CAPZB: variants seen among roughly 807,000 people sequenced by gnomAD.
The protein encoded by CAPZB is F-actin-capping protein subunit beta.
In CAPZB, 2 loss-of-function variants were observed where a neutral mutation model predicts 38.1. The ratio of observed to expected loss-of-function variants is 0.05; its 90% CI spans 0.02 to 0.17. The LOEUF (loss-of-function observed/expected upper bound fraction) is 0.17. CAPZB is among the 10% of genes least tolerant of loss of function. CAPZB has a pLI of 1.00. For missense variants in CAPZB, 161 were observed against 334.2 expected (o/e 0.48, Z 4.04); for synonymous variants, 107 against 127.4 (o/e 0.84, Z 1.08).
chr1:19,484,806 A>G (rs1245126550), intron 1 of CAPZB: 2 of 607,460 alleles, frequency 3.3e-6, no homozygotes, highest in Admixed American at 1.1e-4. Context: ...GGGGGCAGTG[A>G]GGTCCAGACG....
chr1:19,425,415 T>C (rs1164166071), intron 1 of CAPZB, among the ~76,000 whole-genome samples: 2 of 152,084 alleles, frequency 1.3e-5, no homozygotes, highest in East Asian at 3.9e-4. Flanking sequence ...CTGCTCCTCA[T>C]GGAGCTTATG....
intron 2 of CAPZB, 118 bp downstream of exon 2, chr1:19,419,543 G>C (rs1215228374): frequency 1.7e-5 from 11 of 651,858 alleles, no homozygotes; most frequent in East Asian, 8.2e-5. Flanking sequence ...CCAGTGGCAT[G>C]GTCTGCCAGG....
chr1:19,385,543 G>A lies in CAPZB; in HGVS notation c.177C>T (p.Tyr59=). The change falls in exon 3 of 9, where the codon TAC becomes TAT. Residue 59 remains tyrosine, a synonymous_variant. Transcript: ENST00000264202. ...IARDKVVGKD[Y]LLCDYNRDGD... is the part of the protein sequence containing the mutation. ...CATCTCTGTTGTAGTCACACAAAAGGTAATCCTTTCCCACCACCTTGTCTC... is the reference window on the plus strand; with the variant it reads ...CATCTCTGTTGTAGTCACACAAAAGATAATCCTTTCCCACCACCTTGTCTC... 2 of 1,613,820 alleles carry A rather than the reference G, an allele frequency of 1.2e-6. No homozygotes were observed. Among genetic ancestry groups the A allele is most frequent in the Non-Finnish European group, 1.7e-6 (2 of 1,180,026 alleles).
chr1:19,373,186 G>A lies in CAPZB; in HGVS notation c.329+5354C>T, dbSNP rs528546662. On this transcript the variant is annotated intron_variant, in intron 4 of 8. Transcript: ENST00000264202. The stretch of plus-strand genomic sequence containing the variant: ...CAGGGACCCAGCAGAGGCAGGGCAA[G>A]CCAGGAGCTAGTGGACTTCAGAGGG... Among the ~76,000 whole-genome samples, 256 of 152,252 alleles carry A rather than the reference G, an allele frequency of 1.7e-3. 1 individual carries two copies. The highest frequency in any genetic ancestry group is 5.1e-3 in the African/African-American group (211 of 41,552).
chr1:19,426,669 C>T (rs2094423916), intron 1 of CAPZB, among the ~76,000 whole-genome samples: 1 of 152,180 alleles, frequency 6.6e-6, no homozygotes, highest in South Asian at 2.1e-4. Context: ...GCCCACTGAG[C>T]CCCCAGGTGC....
chr1:19,441,727 G>C (rs1056877666), intron 1 of CAPZB, among the ~76,000 whole-genome samples: 1 of 151,834 alleles, frequency 6.6e-6, no homozygotes, highest in African/African-American at 2.4e-5. Flanking sequence ...CTCAGGAGAG[G>C]CCGGGCACAG....
intron 1 of CAPZB, among the ~76,000 whole-genome samples, chr1:19,481,193 T>C (rs1440978162): frequency 6.6e-6 from 1 of 152,220 alleles, no homozygotes; most frequent in Non-Finnish European, 1.5e-5. Flanking sequence ...ATGTGGCTGG[T>C]GCTCCATAAC....
At chr1:19,435,099 C>A (rs4911994) in intron 1 of CAPZB, among the ~76,000 whole-genome samples, 59,067 of 116,178 alleles carry the variant, frequency 0.51, 12,459 homozygotes, top group African/African-American at 0.55. Context: ...GTGGGTAGCC[C>A]CGGAACATGG....
intron 4 of CAPZB, among the ~76,000 whole-genome samples, chr1:19,366,332 G>C (rs1032768742): frequency 2.3e-5 from 3 of 132,978 alleles, no homozygotes. Flanking sequence ...TGGTCATGAG[G>C]GACACTTTTT....
Position 19,357,274 on chromosome 1 carries a change from T to G in CAPZB, c.471+148A>C. 1.5e-6 allele frequency: 1 copy of G among 676,062 alleles called. No individual in the cohort carries two copies. The highest frequency in any genetic ancestry group is 2.6e-6 in the Non-Finnish European group (1 of 387,246). The allele number at this position is 676,062 out of a possible 1,614,324, so 41.9% of individuals were successfully genotyped here. A position where few individuals can be genotyped will look rare whatever the true frequency, so the allele number is the denominator to read the frequency against. On this transcript the variant is annotated intron_variant, in intron 5 of 8. Transcript: ENST00000264202. The surrounding 1 kb of genome is among the most constrained non-coding windows in gnomAD (Gnocchi z 4.3). ...TCAATGACTACTGCAGACTTATCTT[T>G]ATCCAAATGGCTTTGAGGCATTTCT...
rs181908306 is a variant in CAPZB, at chr1:19,344,367, T to C, written c.722A>G (p.Asn241Ser). The C allele has an allele frequency of 9.1e-4, 1,474 of 1,612,718 alleles. 9 individuals carry two copies. The highest frequency in any genetic ancestry group is 3.0e-4 in the Non-Finnish European group (359 of 1,178,638). ...CTTTCTGGTACATTACCTCAGCCCA[T>C]TGACGATATCCTTTGTTTTTCCAAA... ...IYFGKTKDIV[N>S]GLRSVQTFAD... Residue 241 changes from asparagine to serine, a missense_variant, in exon 8 of 9, where the codon AAT becomes AGT. By Grantham distance (46) the Asn-to-Ser change is conservative. Coordinates refer to ENST00000264202, the MANE Select transcript of CAPZB (RefSeq NM_004930.5).
intron 8 of CAPZB, among the ~76,000 whole-genome samples, chr1:19,341,369 T>TA (rs1282231735): frequency 2.0e-5 from 3 of 152,116 alleles, no homozygotes; most frequent in Non-Finnish European, 4.4e-5. Flanking sequence ...ACAGGACCTC[T>TA]AGCCTGGGTG....
chr1:19,482,358 A>G (rs1558301894), intron 1 of CAPZB, among the ~76,000 whole-genome samples: 4 of 152,394 alleles, frequency 2.6e-5, no homozygotes, highest in South Asian at 4.1e-4. Context: ...AAGAGACATT[A>G]ATGTCAACTA....
chr1:19,465,302 G>C (rs2094565424), intron 1 of CAPZB, among the ~76,000 whole-genome samples: 1 of 152,184 alleles, frequency 6.6e-6, no homozygotes, highest in African/African-American at 2.4e-5. Flanking sequence ...AAGAGGCCCA[G>C]GGGAGCTGGC....
chr1:19,386,377 A>C (rs2094204206), intron 2 of CAPZB, among the ~76,000 whole-genome samples: 1 of 152,260 alleles, frequency 6.6e-6, no homozygotes. Context: ...TATCCCAGAA[A>C]GGGATGGCAG....
chr1:19,344,266 C>A, intron 8 of CAPZB, 92 bp downstream of exon 8: 1 of 990,784 alleles, frequency 1.0e-6, no homozygotes. Flanking sequence ...AATGAGGACA[C>A]CGAGGCCCAA....
intron 1 of CAPZB, among the ~76,000 whole-genome samples, chr1:19,475,527 GC>G (rs1265924704): frequency 2.0e-5 from 3 of 152,232 alleles, no homozygotes; most frequent in African/African-American, 4.8e-5. Context: ...GTCCTGAGCA[GC>G]AGAACCGCTC....
At chr1:19,411,954 G>T (rs1370307581) in intron 2 of CAPZB, among the ~76,000 whole-genome samples, 1 of 152,150 alleles carries the variant, frequency 6.6e-6, no homozygotes, top group Non-Finnish European at 1.5e-5. Context: ...GGATGGGCAG[G>T]AAACGCCAGC....
At chr1:19,447,272 CTTTTTT>C (rs35692222) in intron 1 of CAPZB, among the ~76,000 whole-genome samples, 11 of 74,876 alleles carry the variant, frequency 1.5e-4, no homozygotes, top group African/African-American at 5.9e-4. Context: ...CAGACCTAAT[CTTTTTT>C]TTTTTTTTTT....
Sources: gnomAD v4.1 joint callset for allele counts (sites outside exome capture counted in the v4.1 genomes callset) on GRCh38, gnomAD v4.1.1 for gene constraint, Gnocchi (gnomAD v3.1) non-coding constraint, MANE v1.5 for transcripts, NCBI Gene and HGNC (gene_info 2026-07-23, HGNC 2026-07-21) for gene names.